DROSHA: variants seen among roughly 807,000 people sequenced by gnomAD.
DROSHA encodes drosha ribonuclease III.
In DROSHA, 56 loss-of-function variants were observed where a neutral mutation model predicts 181.9. The ratio of observed to expected loss-of-function variants is 0.31; its 90% CI spans 0.25 to 0.38. The LOEUF (loss-of-function observed/expected upper bound fraction) is 0.38, where lower values mean the gene tolerates loss of function less well. DROSHA is among the 10% of genes least tolerant of loss of function. DROSHA has a pLI of 1.00. For synonymous variants in DROSHA, 524 were observed against 591.2 expected, an observed-to-expected ratio of 0.89 and a Z score of 1.65; for missense variants, 1,218 against 1,743.5, an observed-to-expected ratio of 0.70 and a Z score of 5.37.
chr5:31,521,076 C>A, intron 6 of DROSHA, 47 bp downstream of exon 6: 1 of 1,596,268 alleles, frequency 6.3e-7, no homozygotes, highest in South Asian at 1.1e-5. Context: ...AATCTGAATT[C>A]AAGGAGATAA....
At chr5:31,484,328 T>G (rs1389001900) in intron 15 of DROSHA, among the ~76,000 whole-genome samples, 2 of 135,892 alleles carry the variant, frequency 1.5e-5, no homozygotes, top group Non-Finnish European at 3.0e-5. Context: ...GAGCCGAGAT[T>G]GCGCCACTGC....
intron 16 of DROSHA, among the ~76,000 whole-genome samples, chr5:31,479,873 T>G (rs1005666778): frequency 1.3e-5 from 2 of 152,034 alleles, no homozygotes; most frequent in Non-Finnish European, 2.9e-5. Context: ...GAATTCTGGC[T>G]GTGTGTATAT....
intron 20 of DROSHA, chr5:31,464,000 A>G (rs1748732330): frequency 1.9e-6 from 1 of 526,296 alleles, no homozygotes; most frequent in African/African-American, 1.9e-5. Context: ...GAACACTACT[A>G]AGTAAGCTTC....
intron 10 of DROSHA, among the ~76,000 whole-genome samples, chr5:31,507,864 A>C (rs1272934448): frequency 6.6e-6 from 1 of 152,260 alleles, no homozygotes; most frequent in Non-Finnish European, 1.5e-5. Context: ...AATTCCAAAG[A>C]GTAAAAGGAA....
chr5:31,480,130 T>A (rs1352109054), intron 16 of DROSHA, among the ~76,000 whole-genome samples: 1 of 147,118 alleles, frequency 6.8e-6, no homozygotes, highest in Non-Finnish European at 1.5e-5. Flanking sequence ...GTGTTTTTTT[T>A]AAAGTGCTCA....
chr5:31,435,906 G>A lies in DROSHA; in HGVS notation c.2943-42C>T, dbSNP rs762116535. The A allele has an allele frequency of 1.8e-5, 28 of 1,576,304 alleles. No homozygotes were observed. In the South Asian group the frequency reaches 1.9e-4, roughly 11 times the overall value. Reference sequence around the variant, plus strand: ...AAGTACATGAATAAATATGCATCACGACATTCTGTCTGTGGCTCTGAGTCA... The same window carrying A: ...AAGTACATGAATAAATATGCATCACAACATTCTGTCTGTGGCTCTGAGTCA... On this transcript the variant is annotated intron_variant, in intron 24 of 35. Transcript: ENST00000344624.
At chr5:31,407,061 G>T in intron 33 of DROSHA, 116 bp from the exon 34 acceptor site, 1 of 690,984 alleles carries the variant, frequency 1.4e-6, no homozygotes, top group Non-Finnish European at 2.2e-6. Context: ...TAAAATAACA[G>T]GAAATGTGAA....
intron 23 of DROSHA, among the ~76,000 whole-genome samples, chr5:31,446,316 G>T (rs375560802): frequency 2.0e-5 from 3 of 151,722 alleles, no homozygotes; most frequent in East Asian, 3.9e-4. Context: ...GTGTGGTGGC[G>T]GGCGCCTGTA....
chr5:31,411,571 T>C lies in DROSHA; in HGVS notation c.3526-684A>G, dbSNP rs1256186133. 6.6e-6 allele frequency among the ~76,000 whole-genome samples: 1 copy of C among 152,166 alleles called. No homozygotes were observed. Among genetic ancestry groups the C allele is most frequent in the Non-Finnish European group, 1.5e-5 (1 of 68,034 alleles). On this transcript the variant is annotated intron_variant, in intron 30 of 35. Coordinates refer to ENST00000344624, the MANE Select transcript of DROSHA (RefSeq NM_001382508.1). This position sits in a 1 kb window ranked among gnomAD's most constrained non-coding sequence, Gnocchi z 4.2. The stretch of plus-strand genomic sequence containing the variant: ...TTTAAATTATTTATTTACATTTTTA[T>C]TTTATTATTATTTTAAAGATTTATG...
intron 30 of DROSHA, among the ~76,000 whole-genome samples, chr5:31,412,185 G>C (rs1464131988): frequency 6.6e-6 from 1 of 152,172 alleles, no homozygotes; most frequent in Non-Finnish European, 1.5e-5. Context: ...ACAGCCGGGA[G>C]CAAGGAGGTA....
intron 27 of DROSHA, 104 bp from the exon 28 acceptor site, chr5:31,424,575 C>G (rs1175168968): frequency 1.5e-6 from 2 of 1,361,802 alleles, no homozygotes; most frequent in South Asian, 2.8e-5. Flanking sequence ...ATTTCAGACA[C>G]TGACTCCACT....
chr5:31,511,998 A>G (rs1738748340), intron 8 of DROSHA, among the ~76,000 whole-genome samples: 2 of 151,836 alleles, frequency 1.3e-5, no homozygotes, highest in Non-Finnish European at 2.9e-5. Flanking sequence ...ACTCTCTCTC[A>G]CACACACACA....
chr5:31,452,079 C>T (rs1327566766), intron 20 of DROSHA, among the ~76,000 whole-genome samples: 1 of 152,170 alleles, frequency 6.6e-6, no homozygotes. Flanking sequence ...AGGGTAGCTT[C>T]GAGTAAGTCA....
intron 5 of DROSHA, among the ~76,000 whole-genome samples, chr5:31,523,632 CTATT>C (rs2150062188): frequency 6.6e-6 from 1 of 152,248 alleles, no homozygotes; most frequent in East Asian, 1.9e-4. Context: ...TATTTACAAA[CTATT>C]TACTCTTTCC....
chr5:31,475,244 G>A (rs955099800), intron 16 of DROSHA, among the ~76,000 whole-genome samples: 1 of 152,180 alleles, frequency 6.6e-6, no homozygotes, highest in African/African-American at 2.4e-5. Context: ...CCTGAGCCCT[G>A]AAGGTTGAGG....
chr5:31,431,254 A>C (rs545237174), intron 26 of DROSHA, among the ~76,000 whole-genome samples: 25 of 152,030 alleles, frequency 1.6e-4, no homozygotes, highest in Non-Finnish European at 3.7e-4. Flanking sequence ...GTGATCCTGA[A>C]TCAAATCTGG....
chr5:31,499,216 C>G (rs1753323331), intron 11 of DROSHA, among the ~76,000 whole-genome samples: 2 of 152,198 alleles, frequency 1.3e-5, no homozygotes, highest in Non-Finnish European at 2.9e-5. Context: ...CTTTGGTGGG[C>G]CTCACTCACA....
At chr5:31,415,348 C>T (rs374032686) in intron 30 of DROSHA, among the ~76,000 whole-genome samples, 8 of 152,240 alleles carry the variant, frequency 5.3e-5, no homozygotes, top group South Asian at 2.1e-4. Context: ...CAAGAGTGGT[C>T]GCCAGATGGT....
At chr5:31,450,666 T>C (rs891206726) in intron 21 of DROSHA, among the ~76,000 whole-genome samples, 1 of 151,942 alleles carries the variant, frequency 6.6e-6, no homozygotes, top group Non-Finnish European at 1.5e-5. Context: ...TAACGGACAC[T>C]GGAGACTCAG....
Sources: allele counts gnomAD v4.1 joint callset (sites outside exome capture counted in the v4.1 genomes callset), GRCh38; gene constraint gnomAD v4.1.1; non-coding constraint Gnocchi (gnomAD v3.1); transcripts MANE v1.5; gene names NCBI Gene and HGNC (gene_info 2026-07-23, HGNC 2026-07-21).